Variants in MBTPS1 observed in about 807,000 individuals in gnomAD.
The protein encoded by MBTPS1 is membrane-bound transcription factor site-1 protease.
A neutral mutation model predicts 127.8 loss-of-function variants in MBTPS1; 94 were observed. That is an observed-to-expected ratio of 0.74 (90% CI 0.62 to 0.87). The LOEUF (loss-of-function observed/expected upper bound fraction) is 0.87. Ranked by LOEUF, MBTPS1 falls within the 40% of genes least tolerant of loss-of-function variation. The pLI, the probability that MBTPS1 is intolerant of heterozygous loss-of-function variation, is 0.00. For synonymous variants in MBTPS1, 632 were observed against 509.4 expected (o/e 1.24, Z -3.24); for missense variants, 1,636 against 1,353.2 (o/e 1.21, Z -3.28).
chr16:84,058,496 C>G (rs569983261), intron 21 of MBTPS1, among the ~76,000 whole-genome samples: 1 of 152,296 alleles, frequency 6.6e-6, no homozygotes, highest in African/African-American at 2.4e-5. Flanking sequence ...GGGAGGTGTG[C>G]CTGCCCGGCC....
In MBTPS1 at chr16:84,059,407, G is replaced by C. The variant is rs1369833341; in HGVS notation, c.2726C>G (p.Ser909Cys). 3.1e-6 allele frequency: 5 copies of C among 1,613,684 alleles called. No homozygotes were observed. Among genetic ancestry groups the C allele is most frequent in the East Asian group, 2.2e-5 (1 of 44,874 alleles). ...RMEGNHLHRY[S>C]KVLEAHLGDP... Reference sequence around the variant, plus strand: ...TCCCAAATGGGCCTCCAGAACCTTGGAGTACCGATGAAGATGGTTTCCTGT... The same window carrying C: ...TCCCAAATGGGCCTCCAGAACCTTGCAGTACCGATGAAGATGGTTTCCTGT... The change falls in exon 21 of 23, where the codon TCC (serine) becomes TGC (cysteine). Residue 909 changes from serine to cysteine, a missense_variant. Ser to Cys is a moderately radical substitution (Grantham distance 112). Transcript: ENST00000343411.
intron 20 of MBTPS1, chr16:84,059,930 T>G (rs1339559827): frequency 6.5e-6 from 1 of 152,812 alleles, no homozygotes; most frequent in Non-Finnish European, 1.5e-5. Context: ...ATTCTAATAT[T>G]CTTCATGTCT....
chr16:84,089,663 C>G (rs988587146), intron 8 of MBTPS1, among the ~76,000 whole-genome samples: 1 of 152,216 alleles, frequency 6.6e-6, no homozygotes, highest in Non-Finnish European at 1.5e-5. Context: ...GGTGAGGGAG[C>G]TGAGGCTCAG....
intron 1 of MBTPS1, among the ~76,000 whole-genome samples, chr16:84,110,288 A>C (rs890038636): frequency 3.3e-5 from 5 of 152,250 alleles, no homozygotes; most frequent in African/African-American, 1.2e-4. Context: ...AATTGACAGA[A>C]TTCCTGAAAG....
chr16:84,078,686 T>TTGTACATTCACAGGA (rs1483481169), intron 11 of MBTPS1, among the ~76,000 whole-genome samples: 5 of 152,272 alleles, frequency 3.3e-5, no homozygotes, highest in East Asian at 3.9e-4. Flanking sequence ...GCTTAAACGA[T>TTGTACATTCACAGGA]TGTACATTCA....
At chr16:84,063,700 T>G (rs2280022) in intron 18 of MBTPS1, among the ~76,000 whole-genome samples, 40,908 of 152,082 alleles carry the variant, frequency 0.27, 5,702 homozygotes, top group East Asian at 0.4. Flanking sequence ...CATTTTTACT[T>G]GCCATGGCAG....
Position 84,054,053 on chromosome 16 carries a change from T to C in MBTPS1, c.*396A>G, listed in dbSNP as rs1033378612. The C allele has an allele frequency of 1.2e-5, 2 of 160,544 alleles. No homozygotes were observed. Among genetic ancestry groups the C allele is most frequent in the African/African-American group, 4.8e-5 (2 of 41,804 alleles). 9.9% of individuals were successfully genotyped at this position (160,544 alleles called of 1,614,324 possible). A position where few individuals can be genotyped will look rare whatever the true frequency, so the allele number is the denominator to read the frequency against. ...TAGCACAAGTCTTTAAAGTGACTTT[T>C]CCCAACAATAAATATAGAAAATAGC... On this transcript the variant is annotated 3_prime_UTR_variant, in exon 23 of 23. Transcript: ENST00000343411.
chr16:84,088,138 T>A (rs2086057040), intron 8 of MBTPS1, among the ~76,000 whole-genome samples: 1 of 152,098 alleles, frequency 6.6e-6, no homozygotes, highest in South Asian at 2.1e-4. Context: ...AAGATAAAGA[T>A]GAACCATTTG....
At chr16:84,115,334 G>C (rs1483070351) in intron 1 of MBTPS1, among the ~76,000 whole-genome samples, 1 of 152,160 alleles carries the variant, frequency 6.6e-6, no homozygotes, top group Non-Finnish European at 1.5e-5. Context: ...TTTTTATATA[G>C]AAAGGACCAA....
chr16:84,116,209 C>T (rs974807167), intron 1 of MBTPS1, among the ~76,000 whole-genome samples: 1 of 152,212 alleles, frequency 6.6e-6, no homozygotes, highest in African/African-American at 2.4e-5. Flanking sequence ...AATAAAAATA[C>T]TGACGATCCA....
chr16:84,058,217 C>G (rs1021041997), intron 21 of MBTPS1, among the ~76,000 whole-genome samples: 35 of 152,324 alleles, frequency 2.3e-4, no homozygotes, highest in Non-Finnish European at 3.5e-4. Flanking sequence ...TGAAGACATA[C>G]GGTCAGTGCG....
chr16:84,090,796 G>C (rs540556045), intron 8 of MBTPS1, 79 bp downstream of exon 8: 9 of 989,246 alleles, frequency 9.1e-6, no homozygotes, highest in Non-Finnish European at 1.4e-5. Context: ...ACCATAGGTA[G>C]ATACACAAAC....
At chr16:84,074,377 G>A (rs1358896625) in intron 12 of MBTPS1, among the ~76,000 whole-genome samples, 2 of 152,028 alleles carry the variant, frequency 1.3e-5, no homozygotes, top group Non-Finnish European at 2.9e-5. Flanking sequence ...TGGGACCACG[G>A]GCACACACCA....
chr16:84,106,161 G>T (rs986568499), intron 1 of MBTPS1, among the ~76,000 whole-genome samples: 1 of 152,012 alleles, frequency 6.6e-6, no homozygotes, highest in Non-Finnish European at 1.5e-5. Context: ...CGTGCGTGGC[G>T]ACAGGCGCCT....
chr16:84,107,115 T>C (rs1040514265), intron 1 of MBTPS1, among the ~76,000 whole-genome samples: 5 of 152,112 alleles, frequency 3.3e-5, no homozygotes, highest in African/African-American at 1.2e-4. Flanking sequence ...CTTTCAGAGA[T>C]GGCAAAAGAC....
At position 84,065,716 on chromosome 16, in the gene MBTPS1, A is replaced by G. The variant is rs759205530; in HGVS notation, c.2405T>C (p.Val802Ala). The part of the protein sequence containing the change: ...SIAKFPEDGV[V>A]ITQTFKDQGL... The stretch of plus-strand genomic sequence containing the variant: ...TTGGTCCTTGAAAGTCTGTGTTATC[A>G]CGACGCCATCTTCTGGAAACTTCGC... Residue 802 changes from valine (V) to alanine (A), a missense_variant, in exon 18 of 23, where the codon GTG (valine) becomes GCG (alanine). Coordinates refer to ENST00000343411, the MANE Select transcript of MBTPS1 (RefSeq NM_003791.4). 2 of 1,612,778 alleles carry G rather than the reference A, an allele frequency of 1.2e-6. No homozygotes were observed. Among genetic ancestry groups the G allele is most frequent in the Non-Finnish European group, 1.7e-6 (2 of 1,179,566 alleles).
chr16:84,065,708 G>C lies in MBTPS1; in HGVS notation c.2413C>G (p.Gln805Glu). The part of the protein sequence containing the change: ...KFPEDGVVIT[Q>E]TFKDQGLEVL... ...CCTTTACCTTGGTCCTTGAAAGTCT[G>C]TGTTATCACGACGCCATCTTCTGGA... Residue 805 changes from glutamine to glutamate, a missense_variant, in exon 18 of 23, where the codon CAG becomes GAG. Gln to Glu is a conservative substitution (Grantham distance 29). Transcript: ENST00000343411. 6.2e-7 allele frequency: 1 copy of C among 1,612,670 alleles called. No individual in the cohort carries two copies. The highest frequency in any genetic ancestry group is 1.1e-5 in the South Asian group (1 of 90,874).
At chr16:84,067,361 T>C (rs558357350) in intron 16 of MBTPS1, among the ~76,000 whole-genome samples, 42 of 152,302 alleles carry the variant, frequency 2.8e-4, no homozygotes, top group Admixed American at 1.4e-3. Context: ...TTGTGTTTTA[T>C]TTTTTCTCTT....
intron 1 of MBTPS1, among the ~76,000 whole-genome samples, chr16:84,113,609 A>G (rs1186160984): frequency 6.6e-6 from 1 of 152,256 alleles, no homozygotes; most frequent in Non-Finnish European, 1.5e-5. Flanking sequence ...CAATAAAAGA[A>G]TATCACAAAG....
Sources: allele counts gnomAD v4.1 joint callset (sites outside exome capture counted in the v4.1 genomes callset), GRCh38; gene constraint gnomAD v4.1.1; transcripts MANE v1.5; gene names NCBI Gene and HGNC (gene_info 2026-07-23, HGNC 2026-07-21).